LYPD5: variants seen among roughly 807,000 people sequenced by gnomAD.
The protein encoded by LYPD5 is ly6/PLAUR domain-containing protein 5.
A neutral mutation model predicts 19.1 loss-of-function variants in LYPD5; 21 were observed. The observed-to-expected ratio is 1.10, with a 90% CI of 0.78 to 1.58. The LOEUF (loss-of-function observed/expected upper bound fraction) is 1.58. Ranked by LOEUF, LYPD5 falls within the 40% of genes most tolerant of loss-of-function variation. The probability of loss-of-function intolerance (pLI) is 0.00; values close to 1 mark genes in which losing one functional copy is unlikely to be tolerated. For synonymous variants in LYPD5, 128 were observed against 142.7 expected (o/e 0.90, Z 0.74); for missense variants, 287 against 329.8 (o/e 0.87, Z 1.00).
chr19:43,818,951 T>C (rs891333632), intron 1 of LYPD5, among the ~76,000 whole-genome samples: 2 of 152,220 alleles, frequency 1.3e-5, no homozygotes, highest in African/African-American at 2.4e-5. Flanking sequence ...TTCTAGGAAA[T>C]TGACCATTTC....
At chr19:43,800,005 C>T in intron 1 of LYPD5, 171 bp from the exon 2 acceptor site, 1 of 756,628 alleles carries the variant, frequency 1.3e-6, no homozygotes, top group Non-Finnish European at 2.0e-6. Context: ...CTGTGTCTGT[C>T]TCATGGCAGA....
At chr19:43,802,563 T>C (rs1319531177), upstream of LYPD5, 20 of 253,728 alleles carry the variant, frequency 7.9e-5, no homozygotes, top group South Asian at 2.0e-4. Context: ...CCTCAGTTGC[T>C]GGAGATCTAC....
intron 2 of LYPD5, chr19:43,799,217 T>G: frequency 1.8e-6 from 1 of 571,248 alleles, no homozygotes; most frequent in Non-Finnish European, 3.0e-6. Flanking sequence ...CATTGTTTCC[T>G]CCCCTCACCG....
intron 1 of LYPD5, among the ~76,000 whole-genome samples, chr19:43,808,551 G>A (rs375225956): frequency 6.6e-6 from 1 of 152,270 alleles, no homozygotes; most frequent in African/African-American, 2.4e-5. Flanking sequence ...TAAAGGGTTC[G>A]TTTATTCTCC....
chr19:43,800,264 C>T (rs1970205775), intron 1 of LYPD5, among the ~76,000 whole-genome samples: 1 of 152,158 alleles, frequency 6.6e-6, no homozygotes, highest in Non-Finnish European at 1.5e-5. Context: ...CCCTGTAAAC[C>T]CATACATCAG....
At chr19:43,819,283 C>G (rs201785486) in intron 1 of LYPD5, among the ~76,000 whole-genome samples, 1 of 110,516 alleles carries the variant, frequency 9.0e-6, no homozygotes, top group East Asian at 2.6e-4. Context: ...TCTTCTTCTT[C>G]TTTTTTTTTT....
At position 43,798,456 on chromosome 19, in the gene LYPD5, A is replaced by G. The variant is rs2146492703; in HGVS notation, c.516T>C (p.Val172=). The G allele has an allele frequency of 6.2e-7, 1 of 1,606,106 alleles. No individual in the cohort carries two copies. The highest frequency in any genetic ancestry group is 8.5e-7 in the Non-Finnish European group (1 of 1,179,960). The change falls in exon 4 of 5, where the codon GTT becomes GTC. Residue 172 remains valine, a splice_region_variant and synonymous_variant. Transcript: ENST00000377950. ...CCTTCCACCCTTCCAGCCCCTTACC[A>G]ACTGTCATTCTGCCATTGCCCTGGA... is the stretch of plus-strand genomic sequence containing the variant. ...ACFQGNGRMT[V]GNFSVPVYIR... is the part of the protein sequence containing the mutation.
intron 1 of LYPD5, among the ~76,000 whole-genome samples, chr19:43,813,208 C>T (rs349032): frequency 0.38 from 57,534 of 152,016 alleles, 11,200 homozygotes; most frequent in South Asian, 0.55. Context: ...TCAGTAGCGG[C>T]GGTAACTTGA....
intron 1 of LYPD5, among the ~76,000 whole-genome samples, chr19:43,800,271 T>C (rs983519063): frequency 6.6e-6 from 1 of 152,060 alleles, no homozygotes; most frequent in Non-Finnish European, 1.5e-5. Flanking sequence ...AACCCATACA[T>C]CAGCCCCAGC....
At chr19:43,797,957 G>C in intron 4 of LYPD5, 128 bp from the exon 5 acceptor site, 1 of 718,332 alleles carries the variant, frequency 1.4e-6, no homozygotes, top group Non-Finnish European at 2.3e-6. Context: ...CCTAAGACCA[G>C]GGCCAGGCCT....
upstream of LYPD5, among the ~76,000 whole-genome samples, chr19:43,805,655 C>T (rs1223050276): frequency 2.0e-5 from 3 of 152,098 alleles, no homozygotes; most frequent in East Asian, 3.9e-4. Flanking sequence ...TCACAGGTGC[C>T]TGCCACCATG....
intron 1 of LYPD5, among the ~76,000 whole-genome samples, chr19:43,809,321 G>C (rs1970298998): frequency 6.6e-6 from 1 of 152,100 alleles, no homozygotes; most frequent in Non-Finnish European, 1.5e-5. Context: ...ACATGTGTGA[G>C]CCACTGCACC....
intron 1 of LYPD5, among the ~76,000 whole-genome samples, chr19:43,816,437 A>G (rs185126720): frequency 1.3e-5 from 2 of 152,316 alleles, no homozygotes; most frequent in East Asian, 3.9e-4. Flanking sequence ...TATGACGGAG[A>G]TTAGGAGGGT....
chr19:43,812,768 A>C (rs1970337394), intron 1 of LYPD5, among the ~76,000 whole-genome samples: 1 of 152,252 alleles, frequency 6.6e-6, no homozygotes, highest in Non-Finnish European at 1.5e-5. Flanking sequence ...GCTCAAAGGC[A>C]GTTCTGCAGT....
At chr19:43,812,804 G>A (rs1201693678) in intron 1 of LYPD5, among the ~76,000 whole-genome samples, 7 of 152,168 alleles carry the variant, frequency 4.6e-5, no homozygotes, top group African/African-American at 1.2e-4. Context: ...TTAACTACAC[G>A]CAAATTAAGG....
At chr19:43,818,120 T>C (rs896366698) in intron 1 of LYPD5, among the ~76,000 whole-genome samples, 1 of 152,092 alleles carries the variant, frequency 6.6e-6, no homozygotes, top group Non-Finnish European at 1.5e-5. Context: ...AAAACAACCA[T>C]AGGGTGAGTT....
At chr19:43,810,818 T>C (rs1892525335) in intron 1 of LYPD5, among the ~76,000 whole-genome samples, 1 of 151,774 alleles carries the variant, frequency 6.6e-6, no homozygotes, top group Admixed American at 6.6e-5. Context: ...TTAGTAGAGA[T>C]GCGGTTTCAC....
chr19:43,805,363 T>C (rs1423941812), upstream of LYPD5, among the ~76,000 whole-genome samples: 1 of 151,768 alleles, frequency 6.6e-6, no homozygotes, highest in Non-Finnish European at 1.5e-5. Flanking sequence ...GTAATGTGGG[T>C]CATCCCTTGC....
chr19:43,797,821 A>G lies in LYPD5; in HGVS notation c.526T>C (p.Ser176Pro). The G allele has an allele frequency of 1.9e-6, 3 of 1,612,926 alleles. No homozygotes were observed. The highest frequency in any genetic ancestry group is 2.5e-6 in the Non-Finnish European group (3 of 1,179,296). The stretch of plus-strand genomic sequence containing the variant: ...CAGGTTCTGATGTACACAGGGACTG[A>G]GAAATTGCCTGGAGGTGGGCAAAGC... ...GNGRMTVGNF[S>P]VPVYIRTCHR... Residue 176 changes from serine to proline, a missense_variant, in exon 5 of 5, where the codon TCA becomes CCA. Coordinates refer to ENST00000377950, the MANE Select transcript of LYPD5 (RefSeq NM_001031749.3).
Sources: gnomAD v4.1 joint callset for allele counts (sites outside exome capture counted in the v4.1 genomes callset) on GRCh38, gnomAD v4.1.1 for gene constraint, MANE v1.5 for transcripts, NCBI Gene and HGNC (gene_info 2026-07-23, HGNC 2026-07-21) for gene names.